The following UACA variants were observed in gnomAD, a reference collection of about 807,000 sequenced individuals.
The protein encoded by UACA is nuclear membrane binding protein.
Under a neutral mutation model 160.5 loss-of-function variants are expected in UACA, and 112 were observed. The observed-to-expected ratio is 0.70, with a 90% CI of 0.60 to 0.82. The LOEUF is 0.82. UACA is among the 40% of genes least tolerant of loss of function. The probability of loss-of-function intolerance (pLI) is 0.00; values close to 1 mark genes in which losing one functional copy is unlikely to be tolerated. For missense variants in UACA, 1,574 were observed against 1,614.6 expected (o/e 0.97, Z 0.43); for synonymous variants, 557 against 568.4 (o/e 0.98, Z 0.29).
At chr15:70,700,547 T>C (rs1304615240) in intron 1 of UACA, among the ~76,000 whole-genome samples, 1 of 151,944 alleles carries the variant, frequency 6.6e-6, no homozygotes, top group African/African-American at 2.4e-5. Flanking sequence ...ATAAAAATTC[T>C]GTGTATGTGT....
Position 70,687,550 on chromosome 15 carries a change from T to G in UACA, c.592A>C (p.Lys198Gln), listed in dbSNP as rs1314396533. 1 of 1,613,734 alleles carries G rather than the reference T, an allele frequency of 6.2e-7. No individual in the cohort carries two copies. The highest frequency in any genetic ancestry group is 8.5e-7 in the Non-Finnish European group (1 of 1,179,788). ...TGATAAAAGAATTACCTGTTTTGTT[T>G]GTCTCTGGAATTAACATCCGCTCCT... The part of the protein sequence containing the change: ...DRGADVNSRD[K>Q]QNRTALMLGC... Residue 198 changes from lysine (K) to glutamine (Q), a missense_variant, in exon 7 of 19, where the codon AAA becomes CAA. Lys to Gln is a moderately conservative substitution (Grantham distance 53). Transcript: ENST00000322954.
chr15:70,688,031 GA>G (rs1231687593), intron 5 of UACA, among the ~76,000 whole-genome samples: 3 of 152,116 alleles, frequency 2.0e-5, no homozygotes, highest in Non-Finnish European at 4.4e-5. Flanking sequence ...TAGGACCAAG[GA>G]ATAACGTCAA....
chr15:70,657,169 T>C (rs1896502362), intron 18 of UACA, 42 bp from the exon 19 acceptor site: 2 of 1,510,550 alleles, frequency 1.3e-6, no homozygotes, highest in Non-Finnish European at 1.8e-6. Context: ...TTATGTCATC[T>C]TTGTTTACAT....
intron 15 of UACA, among the ~76,000 whole-genome samples, chr15:70,669,967 G>A (rs1244490270): frequency 1.3e-5 from 2 of 152,066 alleles, no homozygotes; most frequent in South Asian, 2.1e-4. Context: ...TGACTTCTGC[G>A]TACCTTCACT....
At position 70,654,953 on chromosome 15, in the gene UACA, G is replaced by A. The variant is rs1896442055; in HGVS notation, c.*2103C>T. 6.6e-6 allele frequency: 1 copy of A among 152,210 alleles called. No individual in the cohort carries two copies. Among genetic ancestry groups the A allele is most frequent in the Admixed American group, 6.5e-5 (1 of 15,282 alleles). 9.4% of individuals were successfully genotyped at this position (152,210 alleles called of 1,614,324 possible). On this transcript the variant is annotated 3_prime_UTR_variant, in exon 19 of 19. Coordinates refer to ENST00000322954, the MANE Select transcript of UACA (RefSeq NM_018003.4). Reference sequence around the variant, plus strand: ...GTGAATGAGACAAGATTAGTTGAAGGAAGTACTTGATATTTTACTCCAGAT... The same window carrying A: ...GTGAATGAGACAAGATTAGTTGAAGAAAGTACTTGATATTTTACTCCAGAT...
In UACA at chr15:70,669,233, A is replaced by C; in HGVS notation, c.1451T>G (p.Val484Gly). 6.2e-7 allele frequency: 1 copy of C among 1,613,858 alleles called. No individual in the cohort carries two copies. Among genetic ancestry groups the C allele is most frequent in the South Asian group, 1.1e-5 (1 of 91,076 alleles). Residue 484 changes from valine (V) to glycine (G), a missense_variant, in exon 16 of 19, where the codon GTC becomes GGC. By Grantham distance (109) the Val-to-Gly change is moderately radical. Transcript: ENST00000322954. ...CKALALECER[V>G]KEDSDEQIKQ... ...TATCTGTTCATCTGAATCCTCCTTG[A>C]CCCTTTCACATTCTAATGCTAAAGC...
rs1157861979 is a variant in UACA, at chr15:70,675,675, CAT to C, written c.1131+816_1131+817del. On this transcript the variant is annotated intron_variant, in intron 13 of 18. Transcript: ENST00000322954. ...TGCAACACTGTCTGTGAGATTCATA[CAT>C]GTTTTATATTATTTTTCATAATGCA... Among the ~76,000 whole-genome samples the C allele has an allele frequency of 6.1e-4, 93 of 152,308 alleles. 1 individual carries two copies. The highest frequency in any genetic ancestry group is 2.1e-3 in the African/African-American group (87 of 41,568).
intron 1 of UACA, among the ~76,000 whole-genome samples, chr15:70,755,141 T>G (rs973898464): frequency 6.6e-6 from 1 of 152,208 alleles, no homozygotes; most frequent in African/African-American, 2.4e-5. Context: ...TCAAATCTAT[T>G]ATTCTTGGAT....
chr15:70,735,490 T>C (rs1219633382), intron 1 of UACA, among the ~76,000 whole-genome samples: 3 of 152,048 alleles, frequency 2.0e-5, no homozygotes, highest in African/African-American at 4.8e-5. Context: ...GTCTGAAGAA[T>C]TGATGTTTAT....
chr15:70,671,830 T>A (rs1268774862), intron 14 of UACA, 135 bp downstream of exon 14: 4 of 554,436 alleles, frequency 7.2e-6, no homozygotes, highest in Non-Finnish European at 8.7e-6. Context: ...GTCTTCCTAG[T>A]TCCATGTGCT....
intron 1 of UACA, among the ~76,000 whole-genome samples, chr15:70,701,611 T>A (rs1307797241): frequency 6.6e-6 from 1 of 152,220 alleles, no homozygotes; most frequent in Non-Finnish European, 1.5e-5. Flanking sequence ...TTTTCAGTTC[T>A]ACACCAAGCA....
chr15:70,664,745 TG>T lies in UACA; in HGVS notation c.4029del (p.Tyr1343Ter). On this transcript the variant is annotated frameshift_variant, in exon 17 of 19. Coordinates refer to ENST00000322954, the MANE Select transcript of UACA (RefSeq NM_018003.4). LOFTEE classifies it high-confidence loss of function. ...QALNGLSQLT[Y>X]TSGNPTKRQS... ...TGCCTCTTGGTGGGGTTCCCACTTG[TG>T]TAGGTGAGTTGGGAAAGGCCATTGA... 6.2e-7 allele frequency: 1 copy of T among 1,613,742 alleles called. No individual in the cohort carries two copies. The highest frequency in any genetic ancestry group is 1.7e-5 in the Admixed American group (1 of 59,928).
At chr15:70,754,098 G>A (rs1183837452) in intron 1 of UACA, 5 of 455,654 alleles carry the variant, frequency 1.1e-5, no homozygotes, top group Non-Finnish European at 2.2e-5. Flanking sequence ...GAGCCACTAC[G>A]CCCAGCCTAT....
At chr15:70,684,077 C>T (rs1897616193) in intron 8 of UACA, among the ~76,000 whole-genome samples, 188 bp downstream of exon 8, 2 of 151,926 alleles carry the variant, frequency 1.3e-5, no homozygotes, top group Non-Finnish European at 2.9e-5. Context: ...ATATGCAACA[C>T]ACACTGCCTC....
intron 18 of UACA, among the ~76,000 whole-genome samples, chr15:70,658,934 G>A (rs1896578758): frequency 6.6e-6 from 1 of 152,200 alleles, no homozygotes; most frequent in Non-Finnish European, 1.5e-5. Context: ...TTAGGACACA[G>A]TAGAAAATAA....
Position 70,667,378 on chromosome 15 carries a change from T to C in UACA, c.3306A>G (p.Ala1102=). The C allele has an allele frequency of 6.2e-7, 1 of 1,612,868 alleles. No individual in the cohort carries two copies. The change falls in exon 16 of 19, where the codon GCA becomes GCG. Residue 1102 remains alanine (A), a synonymous_variant. Coordinates refer to ENST00000322954, the MANE Select transcript of UACA (RefSeq NM_018003.4). ...GTTGTTTTTGCAAAAGATTTTGCAC[T>C]GCAAGTATCTCAGAAGTCTGTTTGG... ...ENAKQTSEIL[A]VQNLLQKQHV...
chr15:70,766,973 G>A (rs1595933387), upstream of UACA, among the ~76,000 whole-genome samples: 1 of 152,222 alleles, frequency 6.6e-6, no homozygotes, highest in East Asian at 1.9e-4. Flanking sequence ...GGGCACAGTG[G>A]CTCACACCTG....
At chr15:70,737,154 G>A (rs1449270824) in intron 1 of UACA, among the ~76,000 whole-genome samples, 1 of 152,204 alleles carries the variant, frequency 6.6e-6, no homozygotes, top group Non-Finnish European at 1.5e-5. Flanking sequence ...AATTTGAATA[G>A]GTGGCCATCG....
intron 1 of UACA, among the ~76,000 whole-genome samples, chr15:70,723,896 T>C (rs1899069425): frequency 1.3e-5 from 2 of 152,170 alleles, no homozygotes; most frequent in African/African-American, 4.8e-5. Context: ...CCTCCCAAAG[T>C]GCTGGGATTA....
Sources: allele counts gnomAD v4.1 joint callset (sites outside exome capture counted in the v4.1 genomes callset), GRCh38; gene constraint gnomAD v4.1.1; transcripts MANE v1.5; gene names NCBI Gene and HGNC (gene_info 2026-07-23, HGNC 2026-07-21).